CRAMP1: variants seen among roughly 807,000 people sequenced by gnomAD.
The protein encoded by CRAMP1 is cramped chromatin regulator 1, also known as protein cramped-like.
A neutral mutation model predicts 115.4 loss-of-function variants in CRAMP1; 50 were observed. The ratio of observed to expected loss-of-function variants is 0.43; its 90% confidence interval spans 0.35 to 0.55. The LOEUF (loss-of-function observed/expected upper bound fraction) is 0.55. Ranked by LOEUF, CRAMP1 falls within the 20% of genes least tolerant of loss-of-function variation. The pLI is 0.01. For missense variants in CRAMP1, 1,679 were observed against 1,721.7 expected (o/e 0.98, Z 0.44); for synonymous variants, 866 against 745.4 (o/e 1.16, Z -2.64).
intron 8 of CRAMP1, 109 bp from the exon 9 acceptor site, chr16:1,655,110 G>A: frequency 1.1e-6 from 1 of 951,398 alleles, no homozygotes; most frequent in African/African-American, 1.6e-5. Flanking sequence ...CTCTCCAGAG[G>A]TCCCTTGTCT....
intron 3 of CRAMP1, among the ~76,000 whole-genome samples, chr16:1,629,740 G>T (rs991723941): frequency 6.6e-6 from 1 of 152,190 alleles, no homozygotes; most frequent in Non-Finnish European, 1.5e-5. Flanking sequence ...GGCCTTTCAC[G>T]TGCTGCTTCG....
intron 3 of CRAMP1, among the ~76,000 whole-genome samples, chr16:1,628,290 G>C (rs1285314007): frequency 6.6e-6 from 1 of 152,228 alleles, no homozygotes; most frequent in Non-Finnish European, 1.5e-5. Context: ...TTTCGCTCTT[G>C]TTGCTCAGGC....
chr16:1,667,875 A>C (rs1267731995), intron 17 of CRAMP1, 87 bp from the exon 18 acceptor site: 3 of 818,576 alleles, frequency 3.7e-6, no homozygotes, highest in Non-Finnish European at 6.0e-6. Context: ...ATTTGCCTGC[A>C]AGCTAGGAGA....
intron 2 of CRAMP1, among the ~76,000 whole-genome samples, chr16:1,618,330 G>A (rs2036438529): frequency 6.6e-6 from 1 of 152,188 alleles, no homozygotes; most frequent in Non-Finnish European, 1.5e-5. Flanking sequence ...TAAGTCACAA[G>A]GTGTTTTACA....
At chr16:1,668,811 G>A (rs897671235) in intron 18 of CRAMP1, among the ~76,000 whole-genome samples, 190 bp from the exon 19 acceptor site, 5 of 152,152 alleles carry the variant, frequency 3.3e-5, no homozygotes, top group South Asian at 4.1e-4. Context: ...CCTTCACTCC[G>A]CTGCGCCCTG....
rs553852632 is a variant in CRAMP1 at position 1,614,798 on chromosome 16, G to A, written c.159G>A (p.Arg53=). Residue 53 remains arginine (R), a synonymous_variant, in exon 2 of 21, where the codon CGG becomes CGA. Coordinates refer to ENST00000397412, the MANE Select transcript of CRAMP1 (RefSeq NM_020825.4). This position sits in a 1 kb window ranked among gnomAD's most constrained non-coding sequence, Gnocchi z 4.4. ...CAAAGAGGGACGAGAAGACCCCCCG[G>A]GCCGGCGCCGACGGCCCCCCCGCGC... ...SGTKRDEKTP[R]AGADGPPAPP... The A allele has an allele frequency of 2.2e-4, 286 of 1,294,376 alleles. 2 individuals carry two copies. In the South Asian group the frequency reaches 3.4e-3, roughly 15 times the overall value. The allele number at this position is 1,294,376 out of a possible 1,614,324, so 80.2% of individuals were successfully genotyped here. A position where few individuals can be genotyped will look rare whatever the true frequency, so the allele number is the denominator to read the frequency against.
In CRAMP1 at chr16:1,666,831, C is replaced by T. The variant is rs2036880644; in HGVS notation, c.3036+231C>T. On this transcript the variant is annotated intron_variant, in intron 16 of 20. Transcript: ENST00000397412. The surrounding 1 kb of genome is among the most constrained non-coding windows in gnomAD (Gnocchi z 5.0). ...CCATGTGGCACTGGAGAACTCAGAG[C>T]TAAGACGGTGTGGAAACATAGCTCC... is the stretch of plus-strand genomic sequence containing the variant. Among the ~76,000 whole-genome samples the T allele has an allele frequency of 6.6e-6, 1 of 152,232 alleles. No individual in the cohort carries two copies. Among genetic ancestry groups the T allele is most frequent in the African/African-American group, 2.4e-5 (1 of 41,470 alleles).
intron 6 of CRAMP1, among the ~76,000 whole-genome samples, chr16:1,641,722 G>A (rs547223338): frequency 4.0e-4 from 61 of 152,324 alleles, no homozygotes; most frequent in South Asian, 1.7e-3. Context: ...GTTGACATCT[G>A]CCCAGTTGCT....
At chr16:1,653,427 C>T (rs1052814055) in intron 8 of CRAMP1, among the ~76,000 whole-genome samples, 1 of 152,192 alleles carries the variant, frequency 6.6e-6, no homozygotes, top group African/African-American at 2.4e-5. Context: ...CCTTTCGTCC[C>T]CCACTAAGGC....
chr16:1,650,074 G>A (rs1372675163), intron 6 of CRAMP1, among the ~76,000 whole-genome samples: 1 of 152,324 alleles, frequency 6.6e-6, no homozygotes, highest in Non-Finnish European at 1.5e-5. Flanking sequence ...GATGACAGGC[G>A]TGAGCCACCG....
intron 4 of CRAMP1, 78 bp downstream of exon 4, chr16:1,632,443 C>A: frequency 7.3e-7 from 1 of 1,376,440 alleles, no homozygotes; most frequent in Non-Finnish European, 9.8e-7. Flanking sequence ...TTCCAGCAAG[C>A]CCGCCGGACC....
chr16:1,638,844 G>A (rs1409625356), intron 5 of CRAMP1, among the ~76,000 whole-genome samples: 2 of 151,928 alleles, frequency 1.3e-5, no homozygotes, highest in Non-Finnish European at 1.5e-5. Flanking sequence ...TGTCCTGCGG[G>A]GTGGCTGCTG....
At chr16:1,636,089 G>A (rs905605106) in intron 4 of CRAMP1, among the ~76,000 whole-genome samples, 1 of 152,204 alleles carries the variant, frequency 6.6e-6, no homozygotes, top group African/African-American at 2.4e-5. Flanking sequence ...AGTCTGATGA[G>A]GCCAGGCGTG....
intron 2 of CRAMP1, chr16:1,620,595 A>G: frequency 2.2e-6 from 1 of 456,332 alleles, no homozygotes; most frequent in Non-Finnish European, 4.4e-6. Flanking sequence ...AGAGATGATG[A>G]CAGGGTGTCA....
chr16:1,645,586 T>TGTGGTTTTG (rs1204112147), intron 6 of CRAMP1, among the ~76,000 whole-genome samples: 3 of 152,206 alleles, frequency 2.0e-5, no homozygotes, highest in Non-Finnish European at 4.4e-5. Context: ...TTGTGCCTTC[T>TGTGGTTTTG]GTGGTTTTGG....
chr16:1,655,353 C>G, intron 9 of CRAMP1, 53 bp downstream of exon 9: 5 of 1,413,606 alleles, frequency 3.5e-6, no homozygotes, highest in East Asian at 4.5e-5. Context: ...CTCTGCTGCC[C>G]AGAGATGGAC....
At chr16:1,615,779 C>CT (rs1472947431) in intron 2 of CRAMP1, among the ~76,000 whole-genome samples, 2 of 152,106 alleles carry the variant, frequency 1.3e-5, no homozygotes, top group African/African-American at 4.8e-5. Flanking sequence ...GTGAATGACT[C>CT]TGATTCTTTT....
rs544230046 is a variant in CRAMP1, at chr16:1,612,593, C to T, written c.-66C>T. 2.6e-4 allele frequency among the ~76,000 whole-genome samples: 39 copies of T among 151,986 alleles called. No homozygotes were observed. The South Asian group carries it at 6.6e-3, about 26-fold the overall frequency. On this transcript the variant is annotated 5_prime_UTR_variant, in exon 1 of 21. Coordinates refer to ENST00000397412, the MANE Select transcript of CRAMP1 (RefSeq NM_020825.4). Reference sequence around the variant, plus strand: ...CGGGGGCCGGGGCTGCCCGGCCCGGCTGGTTCTGCGGGCACCCGGGGAGGC... The same window carrying T: ...CGGGGGCCGGGGCTGCCCGGCCCGGTTGGTTCTGCGGGCACCCGGGGAGGC...
rs569231251 is a variant in CRAMP1, at chr16:1,651,007, A to G, written c.828-1489A>G. On this transcript the variant is annotated intron_variant, in intron 6 of 20. Coordinates refer to ENST00000397412, the MANE Select transcript of CRAMP1 (RefSeq NM_020825.4). ...TCACATAGAGGTGGACTGAGAAGTC[A>G]CAGAGGTAGACTGAGCTCACACAGA... Among the ~76,000 whole-genome samples the G allele has an allele frequency of 9.2e-5, 14 of 152,368 alleles. No homozygotes were observed. The South Asian group carries it at 1.7e-3, about 18-fold the overall frequency.
Sources: gnomAD v4.1 joint callset for allele counts (sites outside exome capture counted in the v4.1 genomes callset) on GRCh38, gnomAD v4.1.1 for gene constraint, Gnocchi (gnomAD v3.1) non-coding constraint, MANE v1.5 for transcripts, NCBI Gene and HGNC (gene_info 2026-07-23, HGNC 2026-07-21) for gene names.